Variants in RFX4 observed in about 807,000 individuals in gnomAD.
The protein encoded by RFX4 is transcription factor RFX4.
Under a neutral mutation model 95.0 loss-of-function variants are expected in RFX4, and 10 were observed. The observed-to-expected ratio is 0.11, with a 90% CI of 0.06 to 0.18. The LOEUF (loss-of-function observed/expected upper bound fraction) is 0.18. RFX4 is among the 10% of genes least tolerant of loss of function. The pLI is 1.00. For missense variants in RFX4, 640 were observed against 922.0 expected, an observed-to-expected ratio of 0.69 and a Z score of 3.96; for synonymous variants, 321 against 340.7, an observed-to-expected ratio of 0.94 and a Z score of 0.64.
chr12:106,744,472 A>C (rs1471639490), intron 15 of RFX4, among the ~76,000 whole-genome samples: 2 of 152,222 alleles, frequency 1.3e-5, no homozygotes, highest in African/African-American at 4.8e-5. Context: ...AAATACAGAA[A>C]TATCTATTTT....
rs138435771 is a variant in RFX4 at position 106,618,641 on chromosome 12, TTAC to T, written c.130+9762_130+9764del. Among the ~76,000 whole-genome samples the T allele has an allele frequency of 5.6e-3, 852 of 152,184 alleles. 5 individuals carry two copies. The highest frequency in any genetic ancestry group is 0.019 in the African/African-American group (793 of 41,578). On this transcript the variant is annotated intron_variant, in intron 2 of 17. Coordinates refer to ENST00000392842, the MANE Select transcript of RFX4 (RefSeq NM_213594.3). ...TTATTTTCAATCTTACTATATAATC[TTAC>T]TACATTTAGTTTAGTAAAGTTTTTC... is the stretch of plus-strand genomic sequence containing the variant.
At chr12:106,585,308 C>CA (rs1439134932) in intron 1 of RFX4, among the ~76,000 whole-genome samples, 1 of 152,188 alleles carries the variant, frequency 6.6e-6, no homozygotes, top group Non-Finnish European at 1.5e-5. Flanking sequence ...CTCGTGGGGG[C>CA]ACCGGGTCCT....
intron 11 of RFX4, among the ~76,000 whole-genome samples, chr12:106,717,912 G>A (rs1363193086): frequency 1.3e-5 from 2 of 152,224 alleles, no homozygotes; most frequent in Non-Finnish European, 1.5e-5. Context: ...TGGGACAACT[G>A]TGTGCAGTGC....
At chr12:106,694,985 C>T (rs1395961756) in intron 7 of RFX4, among the ~76,000 whole-genome samples, 3 of 151,922 alleles carry the variant, frequency 2.0e-5, no homozygotes, top group East Asian at 1.9e-4. Flanking sequence ...TGCAGTGAGC[C>T]GAGACCACAC....
chr12:106,587,938 C>T (rs999974650), intron 1 of RFX4, among the ~76,000 whole-genome samples: 3 of 152,206 alleles, frequency 2.0e-5, no homozygotes, highest in Admixed American at 1.3e-4. Flanking sequence ...CGTGATTCAA[C>T]TCAGCCACTT....
At chr12:106,614,355 T>C (rs1386489442) in intron 2 of RFX4, among the ~76,000 whole-genome samples, 3 of 151,776 alleles carry the variant, frequency 2.0e-5, no homozygotes, top group African/African-American at 7.3e-5. Flanking sequence ...GAGACTGGGT[T>C]TCGGCATATT....
At chr12:106,611,974 C>T (rs1351464169) in intron 2 of RFX4, among the ~76,000 whole-genome samples, 2 of 152,158 alleles carry the variant, frequency 1.3e-5, no homozygotes, top group Non-Finnish European at 2.9e-5. Context: ...TTCCATTGGT[C>T]TATATGTCTG....
chr12:106,698,817 G>A (rs190475520), intron 8 of RFX4, among the ~76,000 whole-genome samples: 61 of 151,148 alleles, frequency 4.0e-4, no homozygotes, highest in Admixed American at 7.2e-4. Flanking sequence ...CTTTTTCTTG[G>A]TCAGTGTGAC....
At chr12:106,727,356 C>T (rs2137547354) in intron 13 of RFX4, among the ~76,000 whole-genome samples, 1 of 152,264 alleles carries the variant, frequency 6.6e-6, no homozygotes, top group Middle Eastern at 3.4e-3. Context: ...AGGGCATCTA[C>T]AAGTCTGCAG....
chr12:106,617,360 A>C (rs893955986), intron 2 of RFX4, among the ~76,000 whole-genome samples: 1 of 152,112 alleles, frequency 6.6e-6, no homozygotes, highest in African/African-American at 2.4e-5. Flanking sequence ...CTTTTCTAAG[A>C]TATACATTTA....
chr12:106,643,144 G>A (rs1689275460), intron 3 of RFX4, among the ~76,000 whole-genome samples: 1 of 152,220 alleles, frequency 6.6e-6, no homozygotes, highest in Non-Finnish European at 1.5e-5. Context: ...CAGGGTGGGG[G>A]TGTAACTTGG....
chr12:106,619,730 G>A (rs921881042), intron 2 of RFX4, among the ~76,000 whole-genome samples: 1 of 151,974 alleles, frequency 6.6e-6, no homozygotes, highest in Non-Finnish European at 1.5e-5. Flanking sequence ...TAGACTTTTC[G>A]ATTATACTTC....
chr12:106,693,887 C>T (rs2041830427), intron 7 of RFX4, among the ~76,000 whole-genome samples: 1 of 152,158 alleles, frequency 6.6e-6, no homozygotes, highest in Non-Finnish European at 1.5e-5. Context: ...TAACAGCTAA[C>T]CTTTATTAAA....
At chr12:106,687,777 A>G (rs1293508425) in intron 6 of RFX4, among the ~76,000 whole-genome samples, 1 of 152,110 alleles carries the variant, frequency 6.6e-6, no homozygotes, top group Non-Finnish European at 1.5e-5. Context: ...ATGTATGCCT[A>G]TCTGTCTATC....
rs532153613 is a variant in RFX4, at chr12:106,742,443, A to G, written c.1634-4994A>G. Among the ~76,000 whole-genome samples, 3 of 152,272 alleles carry G rather than the reference A, an allele frequency of 2.0e-5. No homozygotes were observed. The South Asian group carries it at 6.2e-4, about 32-fold the overall frequency. On this transcript the variant is annotated intron_variant, in intron 15 of 17. Transcript: ENST00000392842. ...AGAAATCAGCCCACCTCAGCCTCCC[A>G]AAGTGCTGGGATTATAGGCATGCGA... is the stretch of plus-strand genomic sequence containing the variant.
intron 1 of RFX4, among the ~76,000 whole-genome samples, chr12:106,590,948 G>T (rs2039530978): frequency 6.7e-6 from 1 of 148,646 alleles, no homozygotes; most frequent in African/African-American, 2.5e-5. Flanking sequence ...CTGTCTCAAA[G>T]AAAAAAATAA....
In RFX4 at chr12:106,654,232, G is replaced by A. The variant is rs891606363; in HGVS notation, c.196G>A (p.Glu66Lys). ...ATTGGGCGTTTATTTCCCTAGGCTG[G>A]AGGAGAACTATGAGATTGCAGAGGG... ...HSTPATLQWL[E>K]ENYEIAEGVC... The change falls in exon 4 of 18, where the codon GAG becomes AAG. Residue 66 changes from glutamate to lysine, a missense_variant. Glu to Lys is a moderately conservative substitution (Grantham distance 56). Transcript: ENST00000392842. The A allele has an allele frequency of 6.2e-7, 1 of 1,613,932 alleles. No individual in the cohort carries two copies. Among genetic ancestry groups the A allele is most frequent in the Non-Finnish European group, 8.5e-7 (1 of 1,179,904 alleles).
intron 15 of RFX4, among the ~76,000 whole-genome samples, chr12:106,745,540 G>A (rs1023799001): frequency 2.6e-5 from 4 of 152,152 alleles, no homozygotes; most frequent in Non-Finnish European, 2.9e-5. Context: ...CTGGCACAGC[G>A]CTGATCCACC....
At position 106,596,129 on chromosome 12, in the gene RFX4, GC is replaced by G. The variant is rs2039614725; in HGVS notation, c.44-12665del. On this transcript the variant is annotated intron_variant, in intron 1 of 17. Coordinates refer to ENST00000392842, the MANE Select transcript of RFX4 (RefSeq NM_213594.3). ...AGGATGATATGGTTTGGCTCTGTGT[GC>G]CCACCCAAATCTCATCTTGTAGCTC... 2.0e-5 allele frequency among the ~76,000 whole-genome samples: 3 copies of G among 152,120 alleles called. No homozygotes were observed. The South Asian group carries it at 6.2e-4, about 32-fold the overall frequency.
Sources: gnomAD v4.1 joint callset for allele counts (sites outside exome capture counted in the v4.1 genomes callset) on GRCh38, gnomAD v4.1.1 for gene constraint, MANE v1.5 for transcripts, NCBI Gene and HGNC (gene_info 2026-07-23, HGNC 2026-07-21) for gene names.